Variants in TMEM167A observed in about 807,000 individuals in gnomAD.
The protein encoded by TMEM167A is transmembrane protein 167A, also known as protein kish-A.
Under a neutral mutation model 11.6 loss-of-function variants are expected in TMEM167A, and 8 were observed. The ratio of observed to expected loss-of-function variants is 0.69; its 90% CI spans 0.40 to 1.24. TMEM167A has a LOEUF of 1.24. TMEM167A is among the 50% of genes most tolerant of loss of function. The pLI is 0.01. For missense variants in TMEM167A, 62 were observed against 87.0 expected (o/e 0.71, Z 1.14); for synonymous variants, 22 against 28.0 (o/e 0.79, Z 0.67).
rs1326970219 is a variant in TMEM167A, at chr5:83,055,110, A to T, written c.*1974T>A. ...AAAAGGTCAGAATGGTTGTTGTTAC[A>T]AATATGCTGCCTCCCACTCTGTTTA... On this transcript the variant is annotated 3_prime_UTR_variant, in exon 4 of 4. Transcript: ENST00000502346. 6.6e-6 allele frequency: 1 copy of T among 152,012 alleles called. No homozygotes were observed. Among genetic ancestry groups the T allele is most frequent in the East Asian group, 1.9e-4 (1 of 5,196 alleles). 9.4% of individuals were successfully genotyped at this position (152,012 alleles called of 1,614,324 possible). A position where few individuals can be genotyped will look rare whatever the true frequency, so the allele number is the denominator to read the frequency against.
rs1470296265 is a variant in TMEM167A at position 83,052,893 on chromosome 5, A to T, written c.*4191T>A. The T allele has an allele frequency of 2.6e-5, 4 of 151,968 alleles. No homozygotes were observed. Among genetic ancestry groups the T allele is most frequent in the African/African-American group, 9.7e-5 (4 of 41,408 alleles). The allele number at this position is 151,968 out of a possible 1,614,324, so 9.4% of individuals were successfully genotyped here. A position where few individuals can be genotyped will look rare whatever the true frequency, so the allele number is the denominator to read the frequency against. On this transcript the variant is annotated 3_prime_UTR_variant, in exon 4 of 4. Coordinates refer to ENST00000502346, the MANE Select transcript of TMEM167A (RefSeq NM_174909.5). ...ATTACACACTAGACATATATGAACTAATCAGAGATGTGCATGATTCTCTGT... is the reference window on the plus strand; with the variant it reads ...ATTACACACTAGACATATATGAACTTATCAGAGATGTGCATGATTCTCTGT...
At chr5:83,064,655 A>G (rs1375741882) in intron 2 of TMEM167A, among the ~76,000 whole-genome samples, 1 of 152,114 alleles carries the variant, frequency 6.6e-6, no homozygotes, top group Non-Finnish European at 1.5e-5. Context: ...AATAAATTCA[A>G]CAGGACTTTA....
chr5:83,066,711 G>A (rs1469468865), intron 1 of TMEM167A, among the ~76,000 whole-genome samples: 1 of 152,170 alleles, frequency 6.6e-6, no homozygotes. Flanking sequence ...TCCCCAGTAA[G>A]GTAGTGTTGG....
chr5:83,066,489 A>G (rs757870197), intron 1 of TMEM167A, among the ~76,000 whole-genome samples: 44 of 152,370 alleles, frequency 2.9e-4, no homozygotes, highest in Middle Eastern at 3.4e-3. Context: ...TCATATTATC[A>G]TTCAGGAGAA....
rs1383690187 is a variant in TMEM167A, at chr5:83,054,125, T to C, written c.*2959A>G. ...CTAACTAGACTGATCATCTTATTAC[T>C]AAGATGAAGGAATCTATTGCAAGTT... On this transcript the variant is annotated 3_prime_UTR_variant, in exon 4 of 4. Transcript: ENST00000502346. 6.6e-6 allele frequency: 1 copy of C among 152,038 alleles called. No homozygotes were observed. The allele number at this position is 152,038 out of a possible 1,614,324, so 9.4% of individuals were successfully genotyped here. A position where few individuals can be genotyped will look rare whatever the true frequency, so the allele number is the denominator to read the frequency against.
At chr5:83,066,640 G>C (rs755987524) in intron 1 of TMEM167A, among the ~76,000 whole-genome samples, 9 of 152,232 alleles carry the variant, frequency 5.9e-5, no homozygotes, top group Non-Finnish European at 1.2e-4. Flanking sequence ...AAGTAGAAGA[G>C]ACTGTTGCTA....
chr5:83,060,830 C>T (rs1744396864), intron 3 of TMEM167A, among the ~76,000 whole-genome samples: 1 of 128,096 alleles, frequency 7.8e-6, no homozygotes, highest in African/African-American at 2.6e-5. Context: ...GACTCCATCT[C>T]CAAAAAAAAA....
chr5:83,061,961 G>C, intron 2 of TMEM167A, 50 bp from the exon 3 acceptor site: 1 of 1,454,766 alleles, frequency 6.9e-7, no homozygotes, highest in Non-Finnish European at 9.6e-7. Context: ...ACTCGGAAAG[G>C]TAAATTATTC....
chr5:83,063,426 A>C (rs1744434500), intron 2 of TMEM167A, among the ~76,000 whole-genome samples: 1 of 152,142 alleles, frequency 6.6e-6, no homozygotes, highest in Non-Finnish European at 1.5e-5. Flanking sequence ...CAAACAATGG[A>C]ATAGGTTAGG....
Position 83,064,579 on chromosome 5 carries a change from T to C in TMEM167A, c.113+429A>G, listed in dbSNP as rs1316611743. 4.6e-5 allele frequency among the ~76,000 whole-genome samples: 7 copies of C among 152,094 alleles called. No homozygotes were observed. In the South Asian group the frequency reaches 1.2e-3, roughly 27 times the overall value. On this transcript the variant is annotated intron_variant, in intron 2 of 3. Transcript: ENST00000502346. Reference sequence around the variant, plus strand: ...GATACAATGAAACTGTCTACTTGGATAGAAAGACTTCATGCACAGCCAAGC... The same window carrying C: ...GATACAATGAAACTGTCTACTTGGACAGAAAGACTTCATGCACAGCCAAGC...
Position 83,054,495 on chromosome 5 carries a change from A to G in TMEM167A, c.*2589T>C, listed in dbSNP as rs1230880812. ...TAGCAAGCTGAGGACTTCAGTGTCC[A>G]TCATCCGATCCTGCCCTGTAACAAC... On this transcript the variant is annotated 3_prime_UTR_variant, in exon 4 of 4. Coordinates refer to ENST00000502346, the MANE Select transcript of TMEM167A (RefSeq NM_174909.5). The G allele has an allele frequency of 6.6e-6, 1 of 152,078 alleles. No individual in the cohort carries two copies. Among genetic ancestry groups the G allele is most frequent in the Non-Finnish European group, 1.5e-5 (1 of 67,958 alleles). 9.4% of individuals were successfully genotyped at this position (152,078 alleles called of 1,614,324 possible). A position where few individuals can be genotyped will look rare whatever the true frequency, so the allele number is the denominator to read the frequency against.
chr5:83,067,956 T>C (rs1744508047), intron 1 of TMEM167A, among the ~76,000 whole-genome samples: 2 of 147,652 alleles, frequency 1.4e-5, no homozygotes, highest in African/African-American at 4.9e-5. Flanking sequence ...ATAACAAAGA[T>C]AAAATTTAAT....
chr5:83,060,378 T>C (rs1307483510), intron 3 of TMEM167A, among the ~76,000 whole-genome samples: 1 of 151,414 alleles, frequency 6.6e-6, no homozygotes, highest in Non-Finnish European at 1.5e-5. Context: ...AGAAGAAGAG[T>C]ACTAAACAAA....
intron 1 of TMEM167A, among the ~76,000 whole-genome samples, chr5:83,070,827 G>C (rs1232030845): frequency 6.6e-6 from 1 of 151,866 alleles, no homozygotes; most frequent in African/African-American, 2.4e-5. Flanking sequence ...TTATAAGTAA[G>C]AATTCAATAT....
chr5:83,072,695 G>GT (rs1220138742), intron 1 of TMEM167A, among the ~76,000 whole-genome samples: 43 of 151,922 alleles, frequency 2.8e-4, no homozygotes, highest in South Asian at 2.1e-4. Flanking sequence ...AGCCCGGCTA[G>GT]TTTTTTTTGT....
intron 1 of TMEM167A, among the ~76,000 whole-genome samples, chr5:83,074,181 T>C (rs897524901): frequency 6.6e-6 from 1 of 152,334 alleles, no homozygotes; most frequent in African/African-American, 2.4e-5. Flanking sequence ...TCCACTATAC[T>C]TGACTTCTTT....
intron 3 of TMEM167A, among the ~76,000 whole-genome samples, chr5:83,060,547 A>G (rs1393272573): frequency 6.6e-6 from 1 of 151,924 alleles, no homozygotes; most frequent in African/African-American, 2.4e-5. Flanking sequence ...AATACTGATG[A>G]ATGGCTGGGC....
At chr5:83,057,834 G>A (rs547302144) in intron 3 of TMEM167A, among the ~76,000 whole-genome samples, 4 of 152,028 alleles carry the variant, frequency 2.6e-5, no homozygotes, top group African/African-American at 4.8e-5. Context: ...TCCTTTGTAC[G>A]AAGTAAATCT....
rs1744336171 is a variant in TMEM167A at position 83,056,653 on chromosome 5, T to A, written c.*431A>T. The A allele has an allele frequency of 4.4e-6, 1 of 228,444 alleles. No individual in the cohort carries two copies. The highest frequency in any genetic ancestry group is 5.9e-5 in the Admixed American group (1 of 16,972). 14.2% of individuals were successfully genotyped at this position (228,444 alleles called of 1,614,324 possible). On this transcript the variant is annotated 3_prime_UTR_variant, in exon 4 of 4. Coordinates refer to ENST00000502346, the MANE Select transcript of TMEM167A (RefSeq NM_174909.5). ...CAAGCACTATTAAATATTAATGCAA[T>A]CCTTATCAACACAAATTGAGCCATT... is the stretch of plus-strand genomic sequence containing the variant.
Sources: gnomAD v4.1 joint callset for allele counts (sites outside exome capture counted in the v4.1 genomes callset) on GRCh38, gnomAD v4.1.1 for gene constraint, MANE v1.5 for transcripts, NCBI Gene and HGNC (gene_info 2026-07-23, HGNC 2026-07-21) for gene names.